CLMN: variants seen among roughly 807,000 people sequenced by gnomAD.
CLMN encodes calmin.
CLMN carries 57 observed loss-of-function variants against 92.7 expected under a neutral mutation model. The observed-to-expected ratio is 0.61, with a 90% confidence interval of 0.50 to 0.77. CLMN has a LOEUF of 0.77. Ranked by LOEUF, CLMN falls within the 30% of genes least tolerant of loss-of-function variation. The probability of loss-of-function intolerance (pLI) is 0.00; values close to 1 mark genes in which losing one functional copy is unlikely to be tolerated. For missense variants in CLMN, 1,158 were observed against 1,237.5 expected (o/e 0.94, Z 0.96); for synonymous variants, 466 against 470.6 (o/e 0.99, Z 0.13).
At chr14:95,250,835 G>C (rs1197808880) in intron 1 of CLMN, among the ~76,000 whole-genome samples, 1 of 152,158 alleles carries the variant, frequency 6.6e-6, no homozygotes, top group Non-Finnish European at 1.5e-5. Context: ...TATTGCTTGG[G>C]GCCTCTGAAA....
At chr14:95,222,616 G>A (rs1897582192) in intron 3 of CLMN, 2 of 456,010 alleles carry the variant, frequency 4.4e-6, no homozygotes, top group African/African-American at 2.0e-5. Context: ...ATAAAGTGGG[G>A]AGCCTCTGTG....
intron 4 of CLMN, among the ~76,000 whole-genome samples, chr14:95,218,276 C>A (rs748888667): frequency 6.6e-6 from 1 of 152,158 alleles, no homozygotes; most frequent in Non-Finnish European, 1.5e-5. Flanking sequence ...AGGTCAGTTC[C>A]TTTAGTGTTT....
At chr14:95,306,105 C>T (rs1381122387) in intron 1 of CLMN, among the ~76,000 whole-genome samples, 1 of 152,084 alleles carries the variant, frequency 6.6e-6, no homozygotes, top group African/African-American at 2.4e-5. Context: ...AGGAGAGAAG[C>T]GAGGGGGACC....
chr14:95,305,164 C>A (rs1901223973), intron 1 of CLMN, among the ~76,000 whole-genome samples: 2 of 152,212 alleles, frequency 1.3e-5, no homozygotes, highest in Non-Finnish European at 2.9e-5. Flanking sequence ...GTAACTCATG[C>A]AATTAGTGCA....
chr14:95,232,985 G>A (rs1897937202), intron 1 of CLMN, among the ~76,000 whole-genome samples: 2 of 152,292 alleles, frequency 1.3e-5, no homozygotes, highest in South Asian at 4.2e-4. Flanking sequence ...ACTAAAAGTG[G>A]AACTGCTGGG....
At chr14:95,253,893 C>T (rs1898892770) in intron 1 of CLMN, among the ~76,000 whole-genome samples, 1 of 152,180 alleles carries the variant, frequency 6.6e-6, no homozygotes, top group Non-Finnish European at 1.5e-5. Context: ...GGATTACAGG[C>T]GTGAGCCACT....
At chr14:95,282,674 T>C (rs11628095) in intron 1 of CLMN, among the ~76,000 whole-genome samples, 94,641 of 152,058 alleles carry the variant, frequency 0.62, 31,051 homozygotes, top group Middle Eastern at 0.77. Flanking sequence ...AGGACAGATC[T>C]CCAAGGCACT....
rs1035465824 is a variant in CLMN at position 95,194,312 on chromosome 14, C to T, written c.2769+224G>A. ...TGGGTGCGTTTTTATAGCAAGGAGGCCTTTGGGCTTTAAAATCCTCACTTT... is the reference window on the plus strand; with the variant it reads ...TGGGTGCGTTTTTATAGCAAGGAGGTCTTTGGGCTTTAAAATCCTCACTTT... On this transcript the variant is annotated intron_variant, in intron 11 of 12. Coordinates refer to ENST00000298912, the MANE Select transcript of CLMN (RefSeq NM_024734.4). This position sits in a 1 kb window ranked among gnomAD's most constrained non-coding sequence, Gnocchi z 4.0. 2 of 1,419,604 alleles carry T rather than the reference C, an allele frequency of 1.4e-6. No homozygotes were observed. The highest frequency in any genetic ancestry group is 1.8e-6 in the Non-Finnish European group (2 of 1,091,530). 87.9% of individuals were successfully genotyped at this position (1,419,604 alleles called of 1,614,324 possible). A position where few individuals can be genotyped will look rare whatever the true frequency, so the allele number is the denominator to read the frequency against.
intron 2 of CLMN, among the ~76,000 whole-genome samples, chr14:95,225,082 T>C (rs1308816288): frequency 1.3e-5 from 2 of 152,038 alleles, no homozygotes; most frequent in Non-Finnish European, 2.9e-5. Flanking sequence ...TATATGTGTA[T>C]GTGTATTTAT....
rs1380357274 is a variant in CLMN, at chr14:95,181,977, A to G, written c.*9587T>C. ...ATTTATATTCAAAAATTTTCTTAAG[A>G]ATACACATGATTTTACAAGATCATT... On this transcript the variant is annotated 3_prime_UTR_variant, in exon 13 of 13. Coordinates refer to ENST00000298912, the MANE Select transcript of CLMN (RefSeq NM_024734.4). 6.6e-6 allele frequency: 1 copy of G among 152,226 alleles called. No individual in the cohort carries two copies. Among genetic ancestry groups the G allele is most frequent in the Non-Finnish European group, 1.5e-5 (1 of 68,040 alleles). The allele number at this position is 152,226 out of a possible 1,614,324, so 9.4% of individuals were successfully genotyped here. A position where few individuals can be genotyped will look rare whatever the true frequency, so the allele number is the denominator to read the frequency against.
At chr14:95,216,204 C>T (rs1379088435) in intron 4 of CLMN, among the ~76,000 whole-genome samples, 3 of 152,188 alleles carry the variant, frequency 2.0e-5, no homozygotes, top group African/African-American at 7.2e-5. Flanking sequence ...AGAACGTGTG[C>T]AGGGGAATTC....
At position 95,204,179 on chromosome 14, in the gene CLMN, C is replaced by T. The variant is rs776214652; in HGVS notation, c.1170G>A (p.Gly390=). The T allele has an allele frequency of 6.2e-7, 1 of 1,613,948 alleles. No individual in the cohort carries two copies. Among genetic ancestry groups the T allele is most frequent in the African/African-American group, 1.3e-5 (1 of 74,868 alleles). The stretch of plus-strand genomic sequence containing the variant: ...TGATGTCGCTGGTCTTACCTGGGCC[C>T]CCTTGCAGGACCTGGTCAATAATCT... ...MHQIIDQVLQ[G]GPGKTSDISE... is the part of the protein sequence containing the mutation. The change falls in exon 9 of 13, where the codon GGG becomes GGA. Residue 390 remains glycine, a synonymous_variant. Transcript: ENST00000298912.
chr14:95,273,048 A>G (rs1899776699), intron 1 of CLMN, among the ~76,000 whole-genome samples: 2 of 152,204 alleles, frequency 1.3e-5, no homozygotes, highest in South Asian at 2.1e-4. Context: ...AAGAAAATGC[A>G]TATGCATGCC....
intron 1 of CLMN, among the ~76,000 whole-genome samples, chr14:95,295,955 C>T (rs1900792500): frequency 6.6e-6 from 1 of 152,260 alleles, no homozygotes; most frequent in African/African-American, 2.4e-5. Flanking sequence ...CTGAAAACAA[C>T]CCAAACTTAT....
intron 1 of CLMN, among the ~76,000 whole-genome samples, chr14:95,257,741 C>G (rs548370636): frequency 8.5e-5 from 13 of 152,250 alleles, no homozygotes; most frequent in Admixed American, 7.8e-4. Context: ...GGCCTTGTCT[C>G]TGCCGCATCT....
In CLMN at chr14:95,191,406, G is replaced by GAAA. The variant is rs540351557; in HGVS notation, c.*155_*157dup. 478 of 364,028 alleles carry GAAA rather than the reference G, an allele frequency of 1.3e-3. No individual in the cohort carries two copies. Among genetic ancestry groups the GAAA allele is most frequent in the East Asian group, 4.2e-3 (101 of 23,896 alleles). The allele number at this position is 364,028 out of a possible 1,614,324, so 22.5% of individuals were successfully genotyped here. A position where few individuals can be genotyped will look rare whatever the true frequency, so the allele number is the denominator to read the frequency against. ...GTTGTCCAGAAAAAAAAGGAAACCT[G>GAAA]AAAAAAAAAAAAAAACCACAATAGC... On this transcript the variant is annotated 3_prime_UTR_variant, in exon 13 of 13. Transcript: ENST00000298912. This position sits in a 1 kb window ranked among gnomAD's most constrained non-coding sequence, Gnocchi z 5.3.
At chr14:95,231,010 G>A (rs757583454) in intron 1 of CLMN, among the ~76,000 whole-genome samples, 4 of 152,088 alleles carry the variant, frequency 2.6e-5, no homozygotes, top group Non-Finnish European at 4.4e-5. Flanking sequence ...CACTCACTGC[G>A]TCCCGGACAC....
intron 1 of CLMN, among the ~76,000 whole-genome samples, chr14:95,235,110 TTC>T (rs1160666930): frequency 1.3e-5 from 2 of 148,642 alleles, no homozygotes; most frequent in Admixed American, 6.6e-5. Context: ...CTCTCTCTCT[TTC>T]TCTCTCTCTC....
intron 1 of CLMN, chr14:95,307,472 T>C (rs767694886): frequency 1.3e-5 from 2 of 152,352 alleles, no homozygotes; most frequent in Non-Finnish European, 2.9e-5. Flanking sequence ...ATTCCTGCTG[T>C]TCCTCTTCCT....
Sources: allele counts gnomAD v4.1 joint callset (sites outside exome capture counted in the v4.1 genomes callset), GRCh38; gene constraint gnomAD v4.1.1; non-coding constraint Gnocchi (gnomAD v3.1); transcripts MANE v1.5; gene names NCBI Gene and HGNC (gene_info 2026-07-23, HGNC 2026-07-21).